Variants in NDRG4 observed in about 807,000 individuals in gnomAD.
The protein encoded by NDRG4 is protein NDRG4.
A neutral mutation model predicts 55.8 loss-of-function variants in NDRG4; 38 were observed. The observed-to-expected ratio is 0.68, with a 90% CI of 0.53 to 0.89. The LOEUF (loss-of-function observed/expected upper bound fraction) is 0.89. NDRG4 is among the 40% of genes least tolerant of loss of function. The pLI, the probability that NDRG4 is intolerant of heterozygous loss-of-function variation, is 0.00. For missense variants in NDRG4, 455 were observed against 468.6 expected (o/e 0.97, Z 0.27); for synonymous variants, 190 against 182.7 (o/e 1.04, Z -0.32).
intron 14 of NDRG4, chr16:58,510,984 C>A (rs1301865056): frequency 5.6e-6 from 3 of 536,614 alleles, no homozygotes; most frequent in Non-Finnish European, 1.0e-5. Flanking sequence ...GCCTGAGCCA[C>A]ATAGGTGGCC....
chr16:58,491,093 A>G (rs762486496), intron 2 of NDRG4, among the ~76,000 whole-genome samples: 2 of 152,008 alleles, frequency 1.3e-5, no homozygotes, highest in Admixed American at 6.5e-5. Flanking sequence ...CCTGACCAAC[A>G]TGGTGAAACC....
rs142134345 is a variant in NDRG4, at chr16:58,494,949, T to TTG, written c.73-14_73-13insGT. 7.2e-4 allele frequency: 1,158 copies of TTG among 1,613,278 alleles called. 7 individuals are homozygous for TTG. In the African/African-American group the frequency reaches 0.014, roughly 19 times the overall value. ...AGGGCCTAACTTGCCACCCCCTCTGTTTGCCTTCCCCTAGGAGAGCTCCGA... is the reference window on the plus strand; with the variant it reads ...AGGGCCTAACTTGCCACCCCCTCTGTTGTTGCCTTCCCCTAGGAGAGCTCCGA... On this transcript the variant is annotated splice_polypyrimidine_tract_variant and intron_variant, in intron 2 of 15. Coordinates refer to the NDRG4 transcript ENST00000258187.
intron 10 of NDRG4, 39 bp from the exon 11 acceptor site, chr16:58,508,923 G>T (rs781182038): frequency 6.2e-7 from 1 of 1,608,224 alleles, no homozygotes; most frequent in African/African-American, 1.3e-5. Flanking sequence ...GGGTGGGGAG[G>T]GGCAGGGGCT....
chr16:58,511,782 C>T lies in NDRG4; in HGVS notation c.*206C>T, dbSNP rs927529272. 1.3e-5 allele frequency: 9 copies of T among 681,454 alleles called. No homozygotes were observed. The highest frequency in any genetic ancestry group is 5.0e-5 in the South Asian group (3 of 60,316). The allele number at this position is 681,454 out of a possible 1,614,324, so 42.2% of individuals were successfully genotyped here. On this transcript the variant is annotated 3_prime_UTR_variant, in exon 15 of 15. Transcript: ENST00000570248. ...GTCCTCCTCATCCCATCTCACTCTC[C>T]GTGGTAACTTAGCCAACTTGACCCC...
intron 1 of NDRG4, chr16:58,475,804 C>CTTT: frequency 9.2e-6 from 3 of 324,350 alleles, no homozygotes; most frequent in Non-Finnish European, 1.8e-5. Flanking sequence ...CATGTCTCCC[C>CTTT]TTTTTTTTTT....
At chr16:58,475,538 T>G (rs2033494470) in intron 1 of NDRG4, 2 of 448,510 alleles carry the variant, frequency 4.5e-6, no homozygotes, top group South Asian at 1.6e-5. Context: ...TTAGATTAGC[T>G]TCAGCTGTGT....
chr16:58,499,845 T>G, upstream of NDRG4: 1 of 344,996 alleles, frequency 2.9e-6, no homozygotes, highest in Admixed American at 4.3e-5. Flanking sequence ...GTCTCGGCTT[T>G]TGTATTCGGA....
rs556132779 is a variant in NDRG4 at position 58,503,626 on chromosome 16, G to A, written c.22-172G>A. ...CTGTACTGAACAGCCCTGAGAAGGGGTGTTCCATCCATTCAGTCCTCTCTG... is the reference window on the plus strand; with the variant it reads ...CTGTACTGAACAGCCCTGAGAAGGGATGTTCCATCCATTCAGTCCTCTCTG... On this transcript the variant is annotated intron_variant, in intron 1 of 14. Coordinates refer to ENST00000570248, the MANE Select transcript of NDRG4 (RefSeq NM_001242835.2). The A allele has an allele frequency of 2.6e-5, 33 of 1,272,404 alleles. No individual in the cohort carries two copies. In the South Asian group the frequency reaches 4.1e-4, roughly 16 times the overall value. 78.8% of individuals were successfully genotyped at this position (1,272,404 alleles called of 1,614,324 possible). A position where few individuals can be genotyped will look rare whatever the true frequency, so the allele number is the denominator to read the frequency against.
chr16:58,513,298 G>A lies in NDRG4; in HGVS notation c.*1722G>A, dbSNP rs1231644448. 2 of 152,146 alleles carry A rather than the reference G, an allele frequency of 1.3e-5. No individual in the cohort carries two copies. The highest frequency in any genetic ancestry group is 2.9e-5 in the Non-Finnish European group (2 of 68,030). The allele number at this position is 152,146 out of a possible 1,614,324, so 9.4% of individuals were successfully genotyped here. ...TTTTCTTCTCCGCACAAAGTAAAGA[G>A]CCTAATTTTGTGTATTCTGGTGGCT... On this transcript the variant is annotated 3_prime_UTR_variant, in exon 15 of 15. Transcript: ENST00000570248.
intron 4 of NDRG4, 40 bp from the exon 5 acceptor site, chr16:58,504,549 G>A: frequency 6.2e-7 from 1 of 1,613,436 alleles, no homozygotes; most frequent in Non-Finnish European, 8.5e-7. Flanking sequence ...ATGGGAAATG[G>A]CACCCCTAGC....
intron 1 of NDRG4, among the ~76,000 whole-genome samples, chr16:58,481,129 G>A (rs1274810203): frequency 2.0e-5 from 3 of 152,194 alleles, no homozygotes; most frequent in African/African-American, 7.2e-5. Context: ...GGCTGGTTAT[G>A]TCACCTGTGT....
intron 2 of NDRG4, among the ~76,000 whole-genome samples, chr16:58,493,263 G>GT (rs1177533504): frequency 3.0e-4 from 45 of 152,234 alleles, no homozygotes; most frequent in African/African-American, 9.6e-4. Flanking sequence ...TCCGTGGTTT[G>GT]TTTTTGTTTG....
Position 58,503,255 on chromosome 16 carries a change from CAG to C in NDRG4, c.22-541_22-540del, listed in dbSNP as rs1250808317. On this transcript the variant is annotated intron_variant, in intron 1 of 14. Transcript: ENST00000570248. ...AGCCCTTGAGGATGCTGGGCTCACA[CAG>C]AAGGGCGTTCAAGGTGGAAGGAACC... Among the ~76,000 whole-genome samples, 3 of 152,278 alleles carry C rather than the reference CAG, an allele frequency of 2.0e-5. No homozygotes were observed. In the East Asian group the frequency reaches 5.8e-4, roughly 29 times the overall value.
chr16:58,495,102 C>A (rs980277648), intron 3 of NDRG4: 2 of 1,229,334 alleles, frequency 1.6e-6, no homozygotes, highest in Admixed American at 1.9e-5. Context: ...CACAGCCCTT[C>A]TGTGTGCCCC....
At chr16:58,496,402 A>G, upstream of NDRG4, among the ~76,000 whole-genome samples, 1 of 152,094 alleles carries the variant, frequency 6.6e-6, no homozygotes, top group South Asian at 2.1e-4. Context: ...GTCACACCAC[A>G]TGGAGGCAGC....
chr16:58,500,270 GTGAGTGAGGGCGCTGCGGGC>G lies in NDRG4; in HGVS notation c.21+2_21+21del. ...CAAGATGCCGGAGTGCTGGGATGGGGTGAGTGAGGGCGCTGCGGGCATCAAGGTGGGCCGGGAGGATGGTG... is the reference window on the plus strand; with the variant it reads ...CAAGATGCCGGAGTGCTGGGATGGGGATCAAGGTGGGCCGGGAGGATGGTG... On this transcript the variant is annotated splice_donor_variant and splice_donor_5th_base_variant and intron_variant, in intron 1 of 14. Coordinates refer to ENST00000570248, the MANE Select transcript of NDRG4 (RefSeq NM_001242835.2). LOFTEE classifies it high-confidence loss of function. 2.0e-6 allele frequency: 3 copies of G among 1,535,994 alleles called. No individual in the cohort carries two copies. Among genetic ancestry groups the G allele is most frequent in the Non-Finnish European group, 2.6e-6 (3 of 1,146,868 alleles).
chr16:58,510,807 G>A, intron 14 of NDRG4, 124 bp downstream of exon 14: 1 of 881,740 alleles, frequency 1.1e-6, no homozygotes, highest in Non-Finnish European at 1.8e-6. Context: ...CTTGTGTCCT[G>A]TTCAACTCAG....
upstream of NDRG4, chr16:58,499,862 C>T (rs2036846157): frequency 2.7e-6 from 1 of 368,034 alleles, no homozygotes; most frequent in Non-Finnish European, 5.2e-6. Flanking sequence ...CGGAGGATCC[C>T]GTGTGAGCTG....
intron 1 of NDRG4, among the ~76,000 whole-genome samples, chr16:58,469,317 T>G (rs1013985855): frequency 6.6e-6 from 1 of 151,464 alleles, no homozygotes; most frequent in East Asian, 1.9e-4. Flanking sequence ...CATGGTTTAG[T>G]AAGGAAGCGT....
Sources: gnomAD v4.1 joint callset for allele counts (sites outside exome capture counted in the v4.1 genomes callset) on GRCh38, gnomAD v4.1.1 for gene constraint, MANE v1.5 for transcripts, NCBI Gene and HGNC (gene_info 2026-07-23, HGNC 2026-07-21) for gene names.